The following WDR59 variants were observed in gnomAD, a reference collection of about 807,000 sequenced individuals.
WDR59 encodes the protein WD repeat domain 59, also known as GATOR2 complex protein WDR59.
WDR59 carries 100 observed loss-of-function variants against 131.2 expected under a neutral mutation model. That is an observed-to-expected ratio of 0.76 (90% CI 0.65 to 0.90). The LOEUF (loss-of-function observed/expected upper bound fraction) is 0.90. WDR59 is among the 40% of genes least tolerant of loss of function. WDR59 has a pLI of 0.00. For missense variants in WDR59, 1,203 were observed against 1,262.2 expected (o/e 0.95, Z 0.71); for synonymous variants, 601 against 466.2 (o/e 1.29, Z -3.72).
At chr16:74,937,526 G>C (rs1410092458) in intron 8 of WDR59, among the ~76,000 whole-genome samples, 1 of 152,154 alleles carries the variant, frequency 6.6e-6, no homozygotes, top group Non-Finnish European at 1.5e-5. Context: ...TCTTGAGGCA[G>C]AGGCTCGCTC....
intron 25 of WDR59, among the ~76,000 whole-genome samples, chr16:74,874,741 G>A (rs1386491079): frequency 1.3e-5 from 2 of 152,136 alleles, no homozygotes; most frequent in African/African-American, 4.8e-5. Context: ...ACAGGCACCT[G>A]CCACCACGCC....
At position 74,885,702 on chromosome 16, in the gene WDR59, A is replaced by G. The variant is rs759726048; in HGVS notation, c.2640T>C (p.Ala880=). The stretch of plus-strand genomic sequence containing the variant: ...GACAGGAGACAAACTTCAACACTTC[A>G]GCTCGCTTCTCTCTCAGACCCCAAC... ...LYRWGLREKR[A]EVLKFVSCPP... Residue 880 remains alanine (A), a synonymous_variant, in exon 25 of 26, where the codon GCT becomes GCC. Coordinates refer to ENST00000262144, the MANE Select transcript of WDR59 (RefSeq NM_030581.4). 4 of 1,614,140 alleles carry G rather than the reference A, an allele frequency of 2.5e-6. No homozygotes were observed. The highest frequency in any genetic ancestry group is 2.2e-5 in the South Asian group (2 of 91,086).
intron 8 of WDR59, 41 bp downstream of exon 8, chr16:74,938,109 C>A (rs1756535881): frequency 7.3e-7 from 1 of 1,374,420 alleles, no homozygotes; most frequent in East Asian, 2.6e-5. Context: ...CTGATGCCAC[C>A]CAAACACTGC....
chr16:74,936,193 A>G (rs896971476), intron 8 of WDR59, among the ~76,000 whole-genome samples: 5 of 152,192 alleles, frequency 3.3e-5, no homozygotes, highest in South Asian at 2.1e-4. Context: ...CCCTTGGTAC[A>G]TTCTGGTGAG....
rs1467664031 is a variant in WDR59 at position 74,949,819 on chromosome 16, A to G, written c.327-21T>C. 3 of 1,612,838 alleles carry G rather than the reference A, an allele frequency of 1.9e-6. No homozygotes were observed. In the East Asian group the frequency reaches 6.7e-5, roughly 36 times the overall value. On this transcript the variant is annotated intron_variant, in intron 4 of 25. Transcript: ENST00000262144. ...AGTCGCTGGGACACAAAGAATAAAC[A>G]GAACAAAGAAAAGGAAAAAAATTCA... is the stretch of plus-strand genomic sequence containing the variant.
intron 2 of WDR59, chr16:74,959,523 C>G: frequency 4.4e-6 from 2 of 453,014 alleles, no homozygotes; most frequent in South Asian, 1.6e-5. Context: ...CTTAGTGCTG[C>G]AGGCCGAGGC....
chr16:74,949,986 T>C (rs748093087), intron 4 of WDR59, 188 bp from the exon 5 acceptor site: 4 of 650,858 alleles, frequency 6.1e-6, no homozygotes, highest in Non-Finnish European at 1.1e-5. Flanking sequence ...AACTGTCAGG[T>C]CCTTCGCCAG....
In WDR59 at chr16:74,889,606, G is replaced by A. The variant is rs1964941463; in HGVS notation, c.2195+97C>T. 3.4e-6 allele frequency: 3 copies of A among 878,708 alleles called. No individual in the cohort carries two copies. In the East Asian group the frequency reaches 7.4e-5, roughly 22 times the overall value. 54.4% of individuals were successfully genotyped at this position (878,708 alleles called of 1,614,324 possible). ...CCTACTCCTTCCTTTCATTCCTCGG[G>A]CCTCTGCACCTTTCTCTTAGGTGGT... is the stretch of plus-strand genomic sequence containing the variant. On this transcript the variant is annotated intron_variant, in intron 21 of 25. Transcript: ENST00000262144.
chr16:74,875,626 C>A (rs949054214), intron 25 of WDR59, among the ~76,000 whole-genome samples: 6 of 152,222 alleles, frequency 3.9e-5, no homozygotes, highest in Non-Finnish European at 7.3e-5. Flanking sequence ...TAACCCATCA[C>A]CACTAACCCT....
intron 9 of WDR59, 126 bp from the exon 10 acceptor site, chr16:74,922,229 C>T (rs1246104602): frequency 3.2e-6 from 4 of 1,263,982 alleles, no homozygotes; most frequent in Non-Finnish European, 4.3e-6. Context: ...CCCAACTCAT[C>T]TGGAGAAATT....
chr16:74,964,007 C>A (rs901868870), intron 2 of WDR59, among the ~76,000 whole-genome samples: 3 of 151,220 alleles, frequency 2.0e-5, no homozygotes, highest in African/African-American at 4.9e-5. Flanking sequence ...GCCTGGGCAA[C>A]AAAGCAAGAC....
chr16:74,915,739 TA>T, intron 13 of WDR59, 130 bp downstream of exon 13: 1 of 1,409,512 alleles, frequency 7.1e-7, no homozygotes. Flanking sequence ...ACCCAGGAAA[TA>T]AAAAAGCAAG....
At chr16:74,970,495 CAAAAAAA>C (rs746574195) in intron 1 of WDR59, among the ~76,000 whole-genome samples, 431 of 33,202 alleles carry the variant, frequency 0.013, 3 homozygotes, top group South Asian at 0.038. Flanking sequence ...ACTCTGTCTC[CAAAAAAA>C]AAAAAAAAAA....
chr16:74,976,430 TTTTTC>T (rs1227174743), intron 1 of WDR59, among the ~76,000 whole-genome samples: 11 of 151,740 alleles, frequency 7.2e-5, no homozygotes, highest in South Asian at 2.1e-4. Context: ...AACGTTTTTC[TTTTTC>T]TTTTCTTTTT....
At chr16:74,971,494 G>A (rs141601387) in intron 1 of WDR59, among the ~76,000 whole-genome samples, 3,269 of 137,024 alleles carry the variant, frequency 0.024, 122 homozygotes, top group African/African-American at 0.084. Flanking sequence ...GTGCAGTGGC[G>A]CAATCTCGGC....
At chr16:74,958,592 CAAAAAAAA>C (rs747175030) in intron 2 of WDR59, among the ~76,000 whole-genome samples, 546 of 13,240 alleles carry the variant, frequency 0.041, 7 homozygotes, top group African/African-American at 0.086. Flanking sequence ...GACTCCATCT[CAAAAAAAA>C]AAAAAAAAAA....
intron 8 of WDR59, among the ~76,000 whole-genome samples, chr16:74,928,204 GTTTTT>G (rs71378719): frequency 2.6e-5 from 3 of 114,776 alleles, no homozygotes; most frequent in Admixed American, 9.1e-5. Context: ...CTGCATCCAG[GTTTTT>G]TTTTTTTTTT....
In WDR59 at chr16:74,985,023, C is replaced by A. The variant is rs1477346945; in HGVS notation, c.-6G>T. 5 of 1,568,294 alleles carry A rather than the reference C, an allele frequency of 3.2e-6. No individual in the cohort carries two copies. The highest frequency in any genetic ancestry group is 4.3e-6 in the Non-Finnish European group (5 of 1,156,270). On this transcript the variant is annotated 5_prime_UTR_variant, in exon 1 of 26. Coordinates refer to ENST00000262144, the MANE Select transcript of WDR59 (RefSeq NM_030581.4). ...CTGCTCCATCGCGCCGCCATCTCCCCCGCCCGGCCGCCGCGGCCCCAGGAC... is the reference window on the plus strand; with the variant it reads ...CTGCTCCATCGCGCCGCCATCTCCCACGCCCGGCCGCCGCGGCCCCAGGAC...
In WDR59 at chr16:74,874,870, C is replaced by T. The variant is rs544641648; in HGVS notation, c.2690-426G>A. On this transcript the variant is annotated intron_variant, in intron 25 of 25. Coordinates refer to ENST00000262144, the MANE Select transcript of WDR59 (RefSeq NM_030581.4). ...CCTCCCAAAGTGCTGGGATTATAGG[C>T]GTGAGCCACTGTGCCCAGCCTGTTT... is the stretch of plus-strand genomic sequence containing the variant. 2.6e-5 allele frequency among the ~76,000 whole-genome samples: 4 copies of T among 152,296 alleles called. No homozygotes were observed. In the East Asian group the frequency reaches 5.8e-4, roughly 22 times the overall value.
Sources: allele counts gnomAD v4.1 joint callset (sites outside exome capture counted in the v4.1 genomes callset), GRCh38; gene constraint gnomAD v4.1.1; transcripts MANE v1.5; gene names NCBI Gene and HGNC (gene_info 2026-07-23, HGNC 2026-07-21).